ABCC2: variants seen among roughly 807,000 people sequenced by gnomAD.
ABCC2 encodes the protein ATP-binding cassette sub-family C member 2.
A neutral mutation model predicts 173.4 loss-of-function variants in ABCC2; 157 were observed. The observed-to-expected ratio is 0.91, with a 90% CI of 0.80 to 1.03. The LOEUF is 1.03. Among genes scored for constraint, ABCC2 ranks in the 50% least tolerant of loss-of-function variants. ABCC2 has a pLI of 0.00. For missense variants in ABCC2, 1,822 were observed against 1,852.3 expected (o/e 0.98, Z 0.30); for synonymous variants, 657 against 693.5 (o/e 0.95, Z 0.83).
rs774470450 is a variant in ABCC2, at chr10:99,811,548, A to G, written c.1913A>G (p.Gln638Arg). The change falls in exon 15 of 32, where the codon CAG becomes CGG. Residue 638 changes from glutamine to arginine, a missense_variant. Transcript: ENST00000647814. ...TTTTTCTCAACAGACAAAGCCATGC[A>G]GTTTTCTGAGGCCTCCTTTACCTGG... Reference protein sequence around the residue: ...RHDCNFDKAMQFSEASFTWEH... With the variant: ...RHDCNFDKAMRFSEASFTWEH... 2 of 1,614,134 alleles carry G rather than the reference A, an allele frequency of 1.2e-6. No individual in the cohort carries two copies. The highest frequency in any genetic ancestry group is 2.2e-5 in the South Asian group (2 of 91,078).
At position 99,794,466 on chromosome 10, in the gene ABCC2, C is replaced by T. The variant is rs2037862140; in HGVS notation, c.630C>T (p.Asp210=). The T allele has an allele frequency of 6.2e-7, 1 of 1,612,784 alleles. No individual in the cohort carries two copies. Residue 210 remains aspartate (D), a splice_region_variant and synonymous_variant, in exon 6 of 32, where the codon GAC becomes GAT. Transcript: ENST00000647814. ...GTAGCATTACCTACAGCTGGTATGA[C>T]AGGTAGGAAAGCCTGGAGTATGGAT... ...FLSSITYSWY[D]SIILKGYKRP... is the part of the protein sequence containing the mutation.
intron 19 of ABCC2, among the ~76,000 whole-genome samples, chr10:99,820,294 G>A (rs573819367): frequency 4.5e-4 from 69 of 152,344 alleles, no homozygotes; most frequent in African/African-American, 1.6e-3. Context: ...GGGAGGCTGA[G>A]GCAGGAGAAT....
rs775382123 is a variant in ABCC2 at position 99,845,730 on chromosome 10, T to C, written c.4094T>C (p.Ile1365Thr). 7 of 1,613,714 alleles carry C rather than the reference T, an allele frequency of 4.3e-6. No individual in the cohort carries two copies. Among genetic ancestry groups the C allele is most frequent in the African/African-American group, 2.7e-5 (2 of 74,818 alleles). ...GGQIIIDGVD[I>T]ASIGLHDLRE... ...CAGATTATCATTGATGGAGTAGATA[T>C]TGCTTCCATTGGGCTCCACGACCTC... is the stretch of plus-strand genomic sequence containing the variant. Residue 1365 changes from isoleucine to threonine, a missense_variant, in exon 29 of 32, where the codon ATT becomes ACT. Ile to Thr is a moderately conservative substitution (Grantham distance 89, BLOSUM62 -1). Transcript: ENST00000647814.
At chr10:99,817,756 G>T (rs1289528856) in intron 17 of ABCC2, among the ~76,000 whole-genome samples, 1 of 152,202 alleles carries the variant, frequency 6.6e-6, no homozygotes, top group Non-Finnish European at 1.5e-5. Flanking sequence ...AGTTAACAGT[G>T]ACTGGCCCAA....
chr10:99,849,693 G>C (rs1205868137), intron 30 of ABCC2, among the ~76,000 whole-genome samples: 1 of 152,204 alleles, frequency 6.6e-6, no homozygotes, highest in Non-Finnish European at 1.5e-5. Context: ...TAAGTAAATA[G>C]TTTTTCAGTG....
intron 13 of ABCC2, 60 bp downstream of exon 13, chr10:99,808,289 A>G: frequency 6.3e-7 from 1 of 1,593,730 alleles, no homozygotes; most frequent in Non-Finnish European, 8.6e-7. Flanking sequence ...GGAGTCCAGA[A>G]TGACTGGCTA....
At chr10:99,818,514 G>GA (rs983032349) in intron 17 of ABCC2, among the ~76,000 whole-genome samples, 1 of 152,124 alleles carries the variant, frequency 6.6e-6, no homozygotes, top group Non-Finnish European at 1.5e-5. Flanking sequence ...GAACAAAATA[G>GA]AAAAAACCTC....
Position 99,797,308 on chromosome 10 carries a change from C to G in ABCC2, c.844C>G (p.Gln282Glu). 6 of 1,613,292 alleles carry G rather than the reference C, an allele frequency of 3.7e-6. No individual in the cohort carries two copies. The highest frequency in any genetic ancestry group is 5.1e-6 in the Non-Finnish European group (6 of 1,179,724). ...GCCTGGCTTGAACAAGAATCAGAGT[C>G]AAAGCCAAGATGCCCTTGTCCTGGT... ...RLPGLNKNQSQSQDALVLEDV... is the reference protein window; with the variant it reads ...RLPGLNKNQSESQDALVLEDV... Residue 282 changes from glutamine to glutamate, a missense_variant, in exon 7 of 32, where the codon CAA becomes GAA. Physicochemically the swap from Gln to Glu is conservative, Grantham distance 29 (BLOSUM62 2). Coordinates refer to ENST00000647814, the MANE Select transcript of ABCC2 (RefSeq NM_000392.5).
chr10:99,830,278 T>C, intron 19 of ABCC2, 29 bp from the exon 20 acceptor site: 1 of 1,614,042 alleles, frequency 6.2e-7, no homozygotes, highest in East Asian at 2.2e-5. Flanking sequence ...TATGCAGCTC[T>C]TTCCCTAACC....
At chr10:99,805,769 A>G (rs1249850045) in intron 11 of ABCC2, among the ~76,000 whole-genome samples, 3 of 152,226 alleles carry the variant, frequency 2.0e-5, no homozygotes, top group Non-Finnish European at 2.9e-5. Flanking sequence ...AGTTTCATCT[A>G]TAAACCCACA....
intron 3 of ABCC2, 131 bp from the exon 4 acceptor site, chr10:99,793,420 A>C: frequency 3.8e-6 from 5 of 1,322,138 alleles, no homozygotes; most frequent in Non-Finnish European, 5.4e-6. Context: ...TGTGCTCTCT[A>C]CCTGGCCAGA....
intron 30 of ABCC2, among the ~76,000 whole-genome samples, chr10:99,847,976 A>G (rs1004813524): frequency 5.3e-5 from 8 of 152,200 alleles, no homozygotes; most frequent in Non-Finnish European, 7.3e-5. Flanking sequence ...CTCATATGAC[A>G]TTACACAATG....
rs561885973 is a variant in ABCC2 at position 99,814,262 on chromosome 10, C to T, written c.2094+1118C>T. 3.8e-3 allele frequency among the ~76,000 whole-genome samples: 99 copies of T among 26,386 alleles called. 21 individuals carry two copies. The highest frequency in any genetic ancestry group is 0.013 in the African/African-American group (87 of 6,622). The allele number at this position is 26,386 out of a possible 152,430, so 17.3% of individuals were successfully genotyped here. On this transcript the variant is annotated intron_variant, in intron 16 of 31. Transcript: ENST00000647814. ...ATATGCACACACGTATGTATACACA[C>T]GTATGTATACACACGTATGTATACA...
At position 99,793,627 on chromosome 10, in the gene ABCC2, T is replaced by C; in HGVS notation, c.410T>C (p.Ile137Thr). The C allele has an allele frequency of 6.2e-7, 1 of 1,614,152 alleles. No homozygotes were observed. Among genetic ancestry groups the C allele is most frequent in the Non-Finnish European group, 8.5e-7 (1 of 1,180,018 alleles). Residue 137 changes from isoleucine (I) to threonine (T), a missense_variant, in exon 4 of 32, where the codon ATT (isoleucine) becomes ACT (threonine). Ile to Thr is a moderately conservative substitution (Grantham distance 89). Coordinates refer to ENST00000647814, the MANE Select transcript of ABCC2 (RefSeq NM_000392.5). ...KNSWFLSLFW[I>T]LSILCGTFQF... ...TCCTGGTTCCTGTCCCTATTCTGGA[T>C]TCTCTCGATACTCTGTGGCACTTTC...
chr10:99,799,383 G>C lies in ABCC2; in HGVS notation c.1031+13G>C. ...CTCAGCTGCTGAAGTGAGTCTCCAG[G>C]CCTCAGATGGTCCTTTCAGGGCCTC... On this transcript the variant is annotated intron_variant, in intron 8 of 31. Coordinates refer to ENST00000647814, the MANE Select transcript of ABCC2 (RefSeq NM_000392.5). The C allele has an allele frequency of 6.2e-7, 1 of 1,613,852 alleles. No homozygotes were observed. Among genetic ancestry groups the C allele is most frequent in the Non-Finnish European group, 8.5e-7 (1 of 1,179,960 alleles).
At chr10:99,819,605 TTCCTATTGAC>T (rs1482588485) in intron 19 of ABCC2, among the ~76,000 whole-genome samples, 2 of 152,208 alleles carry the variant, frequency 1.3e-5, no homozygotes, top group Non-Finnish European at 2.9e-5. Flanking sequence ...GGATGCCATG[TTCCTATTGAC>T]TCTAGTCACA....
At chr10:99,841,221 G>A (rs1178678366) in intron 25 of ABCC2, among the ~76,000 whole-genome samples, 3 of 152,018 alleles carry the variant, frequency 2.0e-5, no homozygotes, top group Non-Finnish European at 4.4e-5. Context: ...TGCTTCCCCA[G>A]CCTGATCAAA....
intron 25 of ABCC2, among the ~76,000 whole-genome samples, chr10:99,839,115 C>CA: frequency 7.8e-6 from 1 of 128,328 alleles, no homozygotes; most frequent in Non-Finnish European, 1.7e-5. Flanking sequence ...CCCTCCCGGA[C>CA]GGGGCGGCTG....
intron 14 of ABCC2, 126 bp downstream of exon 14, chr10:99,810,344 G>A: frequency 1.3e-6 from 1 of 753,130 alleles, no homozygotes. Context: ...GCCTATGCTT[G>A]CATAAGATAC....
Sources: allele counts gnomAD v4.1 joint callset (sites outside exome capture counted in the v4.1 genomes callset), GRCh38; gene constraint gnomAD v4.1.1; transcripts MANE v1.5; gene names NCBI Gene and HGNC (gene_info 2026-07-23, HGNC 2026-07-21).